PSD3: variants seen among roughly 807,000 people sequenced by gnomAD.
PSD3 encodes PH and SEC7 domain-containing protein 3.
A neutral mutation model predicts 105.5 loss-of-function variants in PSD3; 49 were observed. That is an observed-to-expected ratio of 0.46 (90% CI 0.37 to 0.59). The LOEUF (loss-of-function observed/expected upper bound fraction) is 0.59. Among genes scored for constraint, PSD3 ranks in the 20% least tolerant of loss-of-function variants. The probability of loss-of-function intolerance (pLI) is 0.00; values close to 1 mark genes in which losing one functional copy is unlikely to be tolerated. For synonymous variants in PSD3, 557 were observed against 457.8 expected, an observed-to-expected ratio of 1.22 and a Z score of -2.77; for missense variants, 1,561 against 1,263.8, an observed-to-expected ratio of 1.24 and a Z score of -3.57.
intron 6 of PSD3, among the ~76,000 whole-genome samples, chr8:18,803,902 G>T (rs781046998): frequency 1.3e-5 from 2 of 152,134 alleles, no homozygotes; most frequent in East Asian, 3.9e-4. Flanking sequence ...GCCACTCATT[G>T]TATACCTAAA....
intron 15 of PSD3, among the ~76,000 whole-genome samples, chr8:18,536,797 T>C (rs993917163): frequency 2.0e-5 from 3 of 152,130 alleles, no homozygotes; most frequent in Non-Finnish European, 4.4e-5. Flanking sequence ...TATATAGAAC[T>C]ATCATATATG....
rs1799686688 is a variant in PSD3 at position 18,532,801 on chromosome 8, A to T, written c.*2942T>A. On this transcript the variant is annotated 3_prime_UTR_variant, in exon 16 of 16. Transcript: ENST00000327040. ...TGCGAGGTGGGGACAAACCCCTAAA[A>T]TTCAGATTTTATACATGGGCCACCT... 6.6e-6 allele frequency: 1 copy of T among 152,196 alleles called. No individual in the cohort carries two copies. Among genetic ancestry groups the T allele is most frequent in the Non-Finnish European group, 1.5e-5 (1 of 68,046 alleles). 9.4% of individuals were successfully genotyped at this position (152,196 alleles called of 1,614,324 possible). A position where few individuals can be genotyped will look rare whatever the true frequency, so the allele number is the denominator to read the frequency against.
At chr8:18,585,086 C>A (rs185779471) in intron 12 of PSD3, among the ~76,000 whole-genome samples, 1 of 152,086 alleles carries the variant, frequency 6.6e-6, no homozygotes, top group African/African-American at 2.4e-5. Flanking sequence ...AACACGAAGC[C>A]CTCTGCCTTG....
intron 9 of PSD3, among the ~76,000 whole-genome samples, chr8:18,679,857 C>T (rs1800283458): frequency 6.6e-6 from 1 of 152,150 alleles, no homozygotes; most frequent in Non-Finnish European, 1.5e-5. Context: ...TGAATAAAAG[C>T]TTTAAACGGT....
chr8:18,666,917 C>T (rs1229398802), intron 9 of PSD3, among the ~76,000 whole-genome samples: 2 of 152,162 alleles, frequency 1.3e-5, no homozygotes, highest in Non-Finnish European at 2.9e-5. Context: ...TCACTGACTT[C>T]CCTCGCGGTC....
intron 9 of PSD3, among the ~76,000 whole-genome samples, chr8:18,751,070 G>C (rs1805445323): frequency 6.6e-6 from 1 of 152,122 alleles, no homozygotes; most frequent in African/African-American, 2.4e-5. Context: ...GCAGTTGATG[G>C]ACCTGGGCGC....
intron 9 of PSD3, among the ~76,000 whole-genome samples, chr8:18,678,258 C>T (rs4921951): frequency 0.8 from 122,019 of 152,060 alleles, 49,828 homozygotes; most frequent in Non-Finnish European, 0.9. Context: ...GATATTTTGA[C>T]CTAATAGTTT....
chr8:18,930,860 G>A (rs1242826870), intron 2 of PSD3, among the ~76,000 whole-genome samples: 2 of 152,118 alleles, frequency 1.3e-5, no homozygotes, highest in African/African-American at 4.8e-5. Flanking sequence ...GAGCCACTGC[G>A]CCTGGCCTTC....
Position 18,871,780 on chromosome 8 carries a change from C to T in PSD3, c.1084G>A (p.Asp362Asn), listed in dbSNP as rs1173171056. 6.2e-7 allele frequency: 1 copy of T among 1,614,168 alleles called. No homozygotes were observed. Residue 362 changes from aspartate (D) to asparagine (N), a missense_variant, in exon 3 of 16, where the codon GAT becomes AAT. By Grantham distance (23) the Asp-to-Asn change is conservative. Coordinates refer to ENST00000327040, the MANE Select transcript of PSD3 (RefSeq NM_015310.4). ...NSSSLTENVWDESWKAPSERP... is the reference protein window; with the variant it reads ...NSSSLTENVWNESWKAPSERP... ...TCTGAAGGAGCTTTCCAGGATTCAT[C>T]CCAAACATTCTCAGTTAAACTACTT...
At chr8:18,672,367 G>A (rs766166767) in intron 9 of PSD3, among the ~76,000 whole-genome samples, 6 of 152,014 alleles carry the variant, frequency 3.9e-5, no homozygotes, top group Non-Finnish European at 7.4e-5. Flanking sequence ...ATCCCTGGGG[G>A]ACTTTGACAT....
intron 8 of PSD3, among the ~76,000 whole-genome samples, chr8:18,793,722 T>G (rs974862328): frequency 2.0e-5 from 3 of 152,116 alleles, no homozygotes; most frequent in Admixed American, 1.3e-4. Flanking sequence ...GCAGAGGGCA[T>G]CACAGATACA....
chr8:18,640,156 T>C (rs936537281), intron 10 of PSD3, among the ~76,000 whole-genome samples: 3 of 152,142 alleles, frequency 2.0e-5, no homozygotes, highest in East Asian at 1.9e-4. Flanking sequence ...TCCGTTGATA[T>C]AGACCAATAC....
chr8:18,591,653 G>A (rs189587893), intron 12 of PSD3, among the ~76,000 whole-genome samples: 50 of 152,252 alleles, frequency 3.3e-4, no homozygotes, highest in African/African-American at 1.0e-3. Flanking sequence ...CACACTTAGT[G>A]TACTTGATTT....
intron 4 of PSD3, among the ~76,000 whole-genome samples, chr8:18,809,768 G>C (rs868111341): frequency 1.3e-5 from 2 of 151,748 alleles, no homozygotes; most frequent in Non-Finnish European, 2.9e-5. Flanking sequence ...TTGTTTCTGC[G>C]ATTTTATTCC....
intron 8 of PSD3, among the ~76,000 whole-genome samples, chr8:18,773,667 G>C (rs983630095): frequency 6.6e-6 from 1 of 152,054 alleles, no homozygotes; most frequent in African/African-American, 2.4e-5. Flanking sequence ...GATAAGTTTT[G>C]AAATGGAGAA....
At chr8:18,539,451 C>CT (rs1249818119) in intron 15 of PSD3, among the ~76,000 whole-genome samples, 3 of 151,780 alleles carry the variant, frequency 2.0e-5, no homozygotes, top group Non-Finnish European at 4.4e-5. Flanking sequence ...TGATTTGCAT[C>CT]TTTTTTCCTA....
intron 4 of PSD3, among the ~76,000 whole-genome samples, chr8:18,836,204 G>A (rs549447596): frequency 5.9e-4 from 90 of 152,216 alleles, no homozygotes; most frequent in Non-Finnish European, 1.2e-3. Flanking sequence ...CCGTAACCCT[G>A]AACTCACGTT....
At chr8:18,971,864 G>A (rs1323893607) in intron 1 of PSD3, among the ~76,000 whole-genome samples, 13 of 152,172 alleles carry the variant, frequency 8.5e-5, no homozygotes, top group Admixed American at 8.5e-4. Context: ...AATTAGCTGG[G>A]CATGGTGGCG....
chr8:18,586,460 T>A (rs1229565449), intron 12 of PSD3, among the ~76,000 whole-genome samples: 1 of 152,204 alleles, frequency 6.6e-6, no homozygotes, highest in African/African-American at 2.4e-5. Flanking sequence ...ATTACGTAGT[T>A]GAGAAGTCTT....
Sources: gnomAD v4.1 joint callset for allele counts (sites outside exome capture counted in the v4.1 genomes callset) on GRCh38, gnomAD v4.1.1 for gene constraint, MANE v1.5 for transcripts, NCBI Gene and HGNC (gene_info 2026-07-23, HGNC 2026-07-21) for gene names.